Variants in CNKSR3 observed in about 807,000 individuals in gnomAD.
The protein encoded by CNKSR3 is CNKSR family member 3.
In CNKSR3, 36 loss-of-function variants were observed where a neutral mutation model predicts 67.7. The observed-to-expected ratio is 0.53, with a 90% CI of 0.41 to 0.70. The LOEUF is 0.70. Among genes scored for constraint, CNKSR3 ranks in the 30% least tolerant of loss-of-function variants. CNKSR3 has a pLI of 0.00. For missense variants in CNKSR3, 630 were observed against 695.2 expected (o/e 0.91, Z 1.05); for synonymous variants, 281 against 271.4 (o/e 1.04, Z -0.35).
chr6:154,414,412 T>C lies in CNKSR3; in HGVS notation c.957A>G (p.Pro319=). The C allele has an allele frequency of 6.3e-7, 1 of 1,594,930 alleles. No individual in the cohort carries two copies. The highest frequency in any genetic ancestry group is 8.5e-7 in the Non-Finnish European group (1 of 1,172,864). Reference sequence around the variant, plus strand: ...TTTCAGGGGACTGGGTTGTCGCGGGTGGAGGTGAGGTCTGAAACAGGAGTA... The same window carrying C: ...TTTCAGGGGACTGGGTTGTCGCGGGCGGAGGTGAGGTCTGAAACAGGAGTA... The part of the protein sequence containing the change: ...WKPPLVQTSP[P]PATTQSPEST... Residue 319 remains proline (P), a synonymous_variant, in exon 10 of 13, where the codon CCA becomes CCG. Transcript: ENST00000607772.
chr6:154,496,808 C>T (rs552782746), intron 1 of CNKSR3, among the ~76,000 whole-genome samples: 14 of 152,252 alleles, frequency 9.2e-5, no homozygotes, highest in African/African-American at 3.1e-4. Flanking sequence ...TAGATCAATG[C>T]GATTCATAAT....
At chr6:154,477,454 G>A (rs538409488) in intron 1 of CNKSR3, among the ~76,000 whole-genome samples, 5 of 150,870 alleles carry the variant, frequency 3.3e-5, no homozygotes, top group African/African-American at 1.2e-4. Context: ...AGGACTACAG[G>A]AGCACACCAC....
intron 1 of CNKSR3, among the ~76,000 whole-genome samples, chr6:154,486,890 C>T (rs952878056): frequency 6.6e-6 from 1 of 152,158 alleles, no homozygotes; most frequent in Admixed American, 6.5e-5. Context: ...AGGCTGGTCT[C>T]GAACTCATGG....
intron 4 of CNKSR3, among the ~76,000 whole-genome samples, chr6:154,440,732 A>T (rs1055442719): frequency 6.6e-6 from 1 of 152,158 alleles, no homozygotes; most frequent in Non-Finnish European, 1.5e-5. Flanking sequence ...CTGTCAACCT[A>T]TGTCCTGTAT....
chr6:154,457,152 G>A (rs1481747868), intron 1 of CNKSR3, among the ~76,000 whole-genome samples: 1 of 152,098 alleles, frequency 6.6e-6, no homozygotes, highest in Non-Finnish European at 1.5e-5. Flanking sequence ...CTTTCAAACA[G>A]AAGCGTGACA....
intron 1 of CNKSR3, among the ~76,000 whole-genome samples, chr6:154,495,815 T>A (rs981800774): frequency 6.6e-6 from 1 of 152,102 alleles, no homozygotes; most frequent in Admixed American, 6.6e-5. Flanking sequence ...TCTTGCTGCA[T>A]CCTTCCACCA....
chr6:154,457,266 T>C (rs887904042), intron 1 of CNKSR3, among the ~76,000 whole-genome samples: 2 of 152,148 alleles, frequency 1.3e-5, no homozygotes, highest in African/African-American at 4.8e-5. Flanking sequence ...GGCCTCCGAG[T>C]GCCCTTTCGT....
intron 1 of CNKSR3, among the ~76,000 whole-genome samples, chr6:154,495,542 ATT>A (rs57229246): frequency 6.5e-5 from 9 of 138,896 alleles, no homozygotes; most frequent in African/African-American, 1.6e-4. Context: ...TCATTTTAAC[ATT>A]TTTTTTTTTT....
chr6:154,470,008 C>T (rs546762022), intron 1 of CNKSR3, among the ~76,000 whole-genome samples: 30 of 151,458 alleles, frequency 2.0e-4, no homozygotes, highest in Admixed American at 1.6e-3. Context: ...TTTTCCAGTA[C>T]GTTTACTGAA....
intron 12 of CNKSR3, among the ~76,000 whole-genome samples, chr6:154,409,720 T>C (rs137979891): frequency 1.8e-3 from 275 of 152,144 alleles, no homozygotes; most frequent in African/African-American, 6.5e-3. Flanking sequence ...AAAGATTGTT[T>C]AATGAATAAT....
intron 5 of CNKSR3, among the ~76,000 whole-genome samples, chr6:154,432,137 G>A (rs190984394): frequency 8.1e-4 from 123 of 152,288 alleles, no homozygotes; most frequent in South Asian, 2.5e-3. Flanking sequence ...ATTAACGAGC[G>A]TTCCTGTTGC....
At chr6:154,438,264 C>T (rs1388071598) in intron 4 of CNKSR3, among the ~76,000 whole-genome samples, 1 of 149,062 alleles carries the variant, frequency 6.7e-6, no homozygotes, top group African/African-American at 2.5e-5. Context: ...TCCTACATTC[C>T]CTCCCTCTCT....
chr6:154,468,433 C>CA (rs1554236177), intron 1 of CNKSR3, among the ~76,000 whole-genome samples: 22 of 145,416 alleles, frequency 1.5e-4, no homozygotes, highest in Non-Finnish European at 2.9e-4. Flanking sequence ...CACACACACA[C>CA]CATGACCATC....
chr6:154,425,973 G>C (rs1349175053), intron 7 of CNKSR3, among the ~76,000 whole-genome samples: 1 of 152,220 alleles, frequency 6.6e-6, no homozygotes, highest in Non-Finnish European at 1.5e-5. Flanking sequence ...AAAATATCCA[G>C]ATTGAGCCTG....
intron 1 of CNKSR3, among the ~76,000 whole-genome samples, chr6:154,451,303 A>G (rs1272187653): frequency 6.6e-6 from 1 of 152,252 alleles, no homozygotes; most frequent in Non-Finnish European, 1.5e-5. Flanking sequence ...CCCTGAATCA[A>G]TTGATCTATT....
chr6:154,454,602 GCCTTGAATA>G (rs1785912566), intron 1 of CNKSR3, among the ~76,000 whole-genome samples: 2 of 152,150 alleles, frequency 1.3e-5, no homozygotes, highest in African/African-American at 4.8e-5. Flanking sequence ...GCTCACTGCA[GCCTTGAATA>G]CCTGGGCTCA....
At chr6:154,414,465 A>G in intron 9 of CNKSR3, 42 bp from the exon 10 acceptor site, 1 of 1,556,772 alleles carries the variant, frequency 6.4e-7, no homozygotes, top group Non-Finnish European at 8.7e-7. Flanking sequence ...GTGGAGATCA[A>G]TTCAGAGATG....
chr6:154,407,876 A>AAC (rs1215661613), intron 12 of CNKSR3, among the ~76,000 whole-genome samples: 1 of 148,794 alleles, frequency 6.7e-6, no homozygotes, highest in Non-Finnish European at 1.5e-5. Context: ...GAATTTGAAA[A>AAC]AAAAAAAAAA....
intron 1 of CNKSR3, among the ~76,000 whole-genome samples, chr6:154,506,896 A>G (rs1402457971): frequency 6.6e-6 from 1 of 152,230 alleles, no homozygotes; most frequent in East Asian, 1.9e-4. Flanking sequence ...TGCTATTCAG[A>G]CCGAATCCTG....
Sources: allele counts gnomAD v4.1 joint callset (sites outside exome capture counted in the v4.1 genomes callset), GRCh38; gene constraint gnomAD v4.1.1; transcripts MANE v1.5; gene names NCBI Gene and HGNC (gene_info 2026-07-23, HGNC 2026-07-21).